The following PLCB3 variants were observed in gnomAD, a reference collection of about 807,000 sequenced individuals.
The protein encoded by PLCB3 is 1-phosphatidylinositol 4,5-bisphosphate phosphodiesterase beta-3.
A neutral mutation model predicts 152.1 loss-of-function variants in PLCB3; 54 were observed. The observed-to-expected ratio is 0.36, with a 90% CI of 0.29 to 0.45. PLCB3 has a LOEUF of 0.45. Among genes scored for constraint, PLCB3 ranks in the 20% least tolerant of loss-of-function variants. PLCB3 has a pLI of 1.00. For missense variants in PLCB3, 1,248 were observed against 1,687.5 expected, an observed-to-expected ratio of 0.74 and a Z score of 4.56; for synonymous variants, 717 against 698.7, an observed-to-expected ratio of 1.03 and a Z score of -0.41.
downstream of PLCB3, among the ~76,000 whole-genome samples, chr11:64,268,147 C>T (rs181377899): frequency 1.2e-3 from 184 of 152,280 alleles, 2 homozygotes; most frequent in East Asian, 0.012. Flanking sequence ...CCATGACTTT[C>T]GTCTCTCCGA....
In PLCB3 at chr11:64,255,034, C is replaced by T. The variant is rs762160886; in HGVS notation, c.383C>T (p.Ala128Val). The T allele has an allele frequency of 6.4e-7, 1 of 1,568,330 alleles. No individual in the cohort carries two copies. The highest frequency in any genetic ancestry group is 1.8e-5 in the Admixed American group (1 of 56,614). Residue 128 changes from alanine (A) to valine (V), a missense_variant, in exon 4 of 31, where the codon GCC (alanine) becomes GTC (valine). By Grantham distance (64) the Ala-to-Val change is moderately conservative. Transcript: ENST00000279230. This position sits in a 1 kb window ranked among gnomAD's most constrained non-coding sequence, Gnocchi z 6.8. The part of the protein sequence containing the change: ...LNFMAVQDDT[A>V]KVWSEELFKL... Reference sequence around the variant, plus strand: ...TTCATGGCCGTGCAGGATGACACAGCCAAGGTGGGCTGGCACCAAGGGGAC... The same window carrying T: ...TTCATGGCCGTGCAGGATGACACAGTCAAGGTGGGCTGGCACCAAGGGGAC...
chr11:64,251,669 G>A lies in PLCB3; in HGVS notation c.20G>A (p.Gly7Asp). The A allele has an allele frequency of 6.8e-7, 1 of 1,473,518 alleles. No homozygotes were observed. The highest frequency in any genetic ancestry group is 9.0e-7 in the Non-Finnish European group (1 of 1,108,968). The allele number at this position is 1,473,518 out of a possible 1,614,324, so 91.3% of individuals were successfully genotyped here. ...CGGGCCATGGCGGGCGCCCAGCCCG[G>A]CGTCCACGCGCTGCAGTTGGAGCCG... MAGAQP[G>D]VHALQLEPPT... Residue 7 changes from glycine (G) to aspartate (D), a missense_variant, in exon 1 of 31, where the codon GGC becomes GAC. By Grantham distance (94) the Gly-to-Asp change is moderately conservative. This residue lies in a region of PLCB3 where 299 missense variants were observed against 434.7 expected (regional missense o/e 0.69). Coordinates refer to ENST00000279230, the MANE Select transcript of PLCB3 (RefSeq NM_000932.5).
At chr11:64,253,333 T>G (rs910965044) in intron 1 of PLCB3, among the ~76,000 whole-genome samples, 2 of 152,202 alleles carry the variant, frequency 1.3e-5, no homozygotes, top group Non-Finnish European at 1.5e-5. Flanking sequence ...TGTAACTCAG[T>G]GTCCTCATCT....
intron 21 of PLCB3, 64 bp downstream of exon 21, chr11:64,263,859 G>A: frequency 7.1e-7 from 1 of 1,409,744 alleles, no homozygotes; most frequent in Non-Finnish European, 1.0e-6. Flanking sequence ...CCACCCCCAG[G>A]GCCTGGGAGT....
At chr11:64,254,277 A>C (rs1242052053) in intron 1 of PLCB3, 138 bp from the exon 2 acceptor site, 7 of 726,282 alleles carry the variant, frequency 9.6e-6, no homozygotes, top group Non-Finnish European at 1.7e-5. Flanking sequence ...AGGCAGCCAC[A>C]CAGGACCTGT....
intron 1 of PLCB3, among the ~76,000 whole-genome samples, chr11:64,252,631 C>A (rs941057048): frequency 2.0e-5 from 3 of 152,056 alleles, no homozygotes; most frequent in Non-Finnish European, 4.4e-5. Flanking sequence ...GGCGTGGGAG[C>A]TGGGGGGAGG....
Position 64,264,078 on chromosome 11 carries a change from C to A in PLCB3, c.2618C>A (p.Ala873Asp). The A allele has an allele frequency of 6.4e-7, 1 of 1,557,224 alleles. No homozygotes were observed. The highest frequency in any genetic ancestry group is 8.7e-7 in the Non-Finnish European group (1 of 1,152,902). ...CACGTCAGCCTGATGGACCAGAGGG[C>A]CCGGCAGCTGGCCGCCCTCATTGGG... ...IKHVSLMDQR[A>D]RQLAALIGES... Residue 873 changes from alanine to aspartate, a missense_variant, in exon 22 of 31, where the codon GCC becomes GAC. This residue lies in a region of PLCB3 where 477 missense variants were observed against 489.6 expected (regional missense o/e 0.97). Transcript: ENST00000279230.
At position 64,265,271 on chromosome 11, in the gene PLCB3, T is replaced by A. The variant is rs754933507; in HGVS notation, c.2843-39T>A. 3.4e-5 allele frequency: 53 copies of A among 1,576,134 alleles called. No homozygotes were observed. In the Admixed American group the frequency reaches 9.4e-4, roughly 28 times the overall value. ...GGAGGCAGGGGGCTGCCTTGCAGGT[T>A]CCCCCACCCCCCGCCCACCTTTGCT... On this transcript the variant is annotated intron_variant, in intron 24 of 30. Coordinates refer to ENST00000279230, the MANE Select transcript of PLCB3 (RefSeq NM_000932.5).
At position 64,259,981 on chromosome 11, in the gene PLCB3, G is replaced by C. The variant is rs566397130; in HGVS notation, c.1526-48G>C. The stretch of plus-strand genomic sequence containing the variant: ...GGAAAAACCCCTCCAGACTTCCTAA[G>C]CAGCTGTGTGGTCCTGACCCCTCAC... On this transcript the variant is annotated intron_variant, in intron 13 of 30. Coordinates refer to ENST00000279230, the MANE Select transcript of PLCB3 (RefSeq NM_000932.5). The C allele has an allele frequency of 8.6e-6, 13 of 1,508,710 alleles. No homozygotes were observed. In the Admixed American group the frequency reaches 9.1e-5, roughly 11 times the overall value. 93.5% of individuals were successfully genotyped at this position (1,508,710 alleles called of 1,614,324 possible). A position where few individuals can be genotyped will look rare whatever the true frequency, so the allele number is the denominator to read the frequency against.
intron 17 of PLCB3, 33 bp from the exon 18 acceptor site, chr11:64,262,374 C>G: frequency 6.2e-7 from 1 of 1,606,300 alleles, no homozygotes; most frequent in Non-Finnish European, 8.5e-7. Flanking sequence ...TGCCTGATCC[C>G]TGCCCCTGCT....
At position 64,255,154 on chromosome 11, in the gene PLCB3, G is replaced by A. The variant is rs1204597539; in HGVS notation, c.388-80G>A. 2 of 1,522,316 alleles carry A rather than the reference G, an allele frequency of 1.3e-6. No individual in the cohort carries two copies. The highest frequency in any genetic ancestry group is 1.8e-6 in the Non-Finnish European group (2 of 1,097,918). The allele number at this position is 1,522,316 out of a possible 1,614,324, so 94.3% of individuals were successfully genotyped here. A position where few individuals can be genotyped will look rare whatever the true frequency, so the allele number is the denominator to read the frequency against. On this transcript the variant is annotated intron_variant, in intron 4 of 30. Transcript: ENST00000279230. The surrounding 1 kb of genome is among the most constrained non-coding windows in gnomAD (Gnocchi z 6.8). ...GCTCTGTGACCTACTGTGTACCAGA[G>A]GCAGTTGTGGACCTGGGTTGTGGCT... is the stretch of plus-strand genomic sequence containing the variant.
Position 64,255,220 on chromosome 11 carries a change from T to C in PLCB3, c.388-14T>C, listed in dbSNP as rs990987186. On this transcript the variant is annotated splice_polypyrimidine_tract_variant and intron_variant, in intron 4 of 30. Transcript: ENST00000279230. The surrounding 1 kb of genome is among the most constrained non-coding windows in gnomAD (Gnocchi z 6.8). ...CCCCCACTCACCGCCTCCCCGTGTA[T>C]ACTGGCCCCCCAGGTCTGGTCTGAG... 4 of 1,609,018 alleles carry C rather than the reference T, an allele frequency of 2.5e-6. No homozygotes were observed. Among genetic ancestry groups the C allele is most frequent in the Non-Finnish European group, 3.4e-6 (4 of 1,176,218 alleles).
At chr11:64,259,322 C>G in intron 13 of PLCB3, 78 bp downstream of exon 13, 1 of 1,167,958 alleles carries the variant, frequency 8.6e-7, no homozygotes, top group Non-Finnish European at 1.2e-6. Context: ...GACACTTCAT[C>G]CCAGACCCCC....
intron 23 of PLCB3, 41 bp downstream of exon 23, chr11:64,265,145 AC>A: frequency 9.7e-6 from 15 of 1,543,862 alleles, no homozygotes; most frequent in Non-Finnish European, 1.2e-5. Flanking sequence ...GCAGGGAGGC[AC>A]CCCCCACCCT....
chr11:64,254,283 C>A, intron 1 of PLCB3, 132 bp from the exon 2 acceptor site: 1 of 748,990 alleles, frequency 1.3e-6, no homozygotes, highest in Non-Finnish European at 2.4e-6. Context: ...CCACACAGGA[C>A]CTGTGGACTG....
chr11:64,255,846 A>G lies in PLCB3; in HGVS notation c.698+25A>G, dbSNP rs759810392. 5 of 1,497,622 alleles carry G rather than the reference A, an allele frequency of 3.3e-6. No homozygotes were observed. The highest frequency in any genetic ancestry group is 1.7e-5 in the Admixed American group (1 of 59,874). 92.8% of individuals were successfully genotyped at this position (1,497,622 alleles called of 1,614,324 possible). On this transcript the variant is annotated intron_variant, in intron 8 of 30. Coordinates refer to ENST00000279230, the MANE Select transcript of PLCB3 (RefSeq NM_000932.5). This position sits in a 1 kb window ranked among gnomAD's most constrained non-coding sequence, Gnocchi z 6.8. ...TGTGAGTGGGCCCGGCCTGCCTCACAACCCCTGTGCTCTGTGTTTAGCTTC... is the reference window on the plus strand; with the variant it reads ...TGTGAGTGGGCCCGGCCTGCCTCACGACCCCTGTGCTCTGTGTTTAGCTTC...
Position 64,255,973 on chromosome 11 carries a change from T to C in PLCB3, c.698+152T>C, listed in dbSNP as rs969963574. The C allele has an allele frequency of 1.1e-5, 7 of 651,634 alleles. No homozygotes were observed. In the East Asian group the frequency reaches 1.4e-4, roughly 13 times the overall value. The allele number at this position is 651,634 out of a possible 1,614,324, so 40.4% of individuals were successfully genotyped here. On this transcript the variant is annotated intron_variant, in intron 8 of 30. Coordinates refer to ENST00000279230, the MANE Select transcript of PLCB3 (RefSeq NM_000932.5). The surrounding 1 kb of genome is among the most constrained non-coding windows in gnomAD (Gnocchi z 6.8). ...GTGCCCAGGGAGAACCTGTCGGTGA[T>C]GTTCCTGTACTCAGACCCGCCGTTT...
intron 1 of PLCB3, among the ~76,000 whole-genome samples, chr11:64,252,186 T>C (rs1463849610): frequency 1.3e-5 from 2 of 151,790 alleles, no homozygotes; most frequent in East Asian, 3.9e-4. Flanking sequence ...CTCTCCCCGG[T>C]GCCCTGCCTG....
Position 64,264,104 on chromosome 11 carries a change from G to A in PLCB3, c.2644G>A (p.Glu882Lys). The stretch of plus-strand genomic sequence containing the variant: ...CCGGCAGCTGGCCGCCCTCATTGGG[G>A]AGAGTGAGGTGAGCCGGGGCAGGGC... ...RARQLAALIG[E>K]SEAQAGQETC... The change falls in exon 22 of 31, where the codon GAG (glutamate) becomes AAG (lysine). Residue 882 changes from glutamate (E) to lysine (K), a missense_variant. Physicochemically the swap from Glu to Lys is moderately conservative, Grantham distance 56. This residue lies in a region of PLCB3 where 477 missense variants were observed against 489.6 expected (regional missense o/e 0.97). Coordinates refer to ENST00000279230, the MANE Select transcript of PLCB3 (RefSeq NM_000932.5). The A allele has an allele frequency of 1.3e-6, 2 of 1,535,526 alleles. No homozygotes were observed. The highest frequency in any genetic ancestry group is 1.7e-6 in the Non-Finnish European group (2 of 1,143,440).
Sources: gnomAD v4.1 joint callset for allele counts (sites outside exome capture counted in the v4.1 genomes callset) on GRCh38, gnomAD v4.1.1 for gene constraint, gnomAD v4.1.1 regional missense constraint, Gnocchi (gnomAD v3.1) non-coding constraint, MANE v1.5 for transcripts, NCBI Gene and HGNC (gene_info 2026-07-23, HGNC 2026-07-21) for gene names.